Variants in ITGA3 observed in about 807,000 individuals in gnomAD.
ITGA3 encodes integrin subunit alpha 3.
In ITGA3, 70 loss-of-function variants were observed where a neutral mutation model predicts 131.1. The ratio of observed to expected loss-of-function variants is 0.53; its 90% CI spans 0.44 to 0.65. ITGA3 has a LOEUF of 0.65. Among genes scored for constraint, ITGA3 ranks in the 30% least tolerant of loss-of-function variants. The pLI is 0.00. For missense variants in ITGA3, 1,098 were observed against 1,388.6 expected, an observed-to-expected ratio of 0.79 and a Z score of 3.33; for synonymous variants, 537 against 571.6, an observed-to-expected ratio of 0.94 and a Z score of 0.86.
At chr17:50,087,481 A>G in intron 23 of ITGA3, 1 of 414,772 alleles carries the variant, frequency 2.4e-6, no homozygotes. Flanking sequence ...ACCCAGGCCC[A>G]GATGTGTGGG....
At chr17:50,082,428 C>T (rs1409249267) in intron 23 of ITGA3, among the ~76,000 whole-genome samples, 2 of 152,084 alleles carry the variant, frequency 1.3e-5, no homozygotes, top group African/African-American at 2.4e-5. Context: ...CCACCTGCCT[C>T]GGCCTCCCAA....
At position 50,087,869 on chromosome 17, in the gene ITGA3, G is replaced by T; in HGVS notation, c.3045G>T (p.Lys1015Asn). The change falls in exon 24 of 26, where the codon AAG becomes AAT. Residue 1015 changes from lysine to asparagine, a missense_variant and splice_region_variant. This residue lies in a region of ITGA3 where 699 missense variants were observed against 829.2 expected (regional missense o/e 0.84). Coordinates refer to ENST00000320031, the MANE Select transcript of ITGA3 (RefSeq NM_002204.4). Reference protein sequence around the residue: ...LLGLIILLLWKCGFFKRARTR... With the variant: ...LLGLIILLLWNCGFFKRARTR... ...GGCTGATCATCCTCCTGCTGTGGAA[G>T]GTTAGTAGCCCAGCCCACTCCTGCT... The T allele has an allele frequency of 6.3e-7, 1 of 1,580,478 alleles. No homozygotes were observed. The highest frequency in any genetic ancestry group is 8.6e-7 in the Non-Finnish European group (1 of 1,162,412).
intron 23 of ITGA3, among the ~76,000 whole-genome samples, chr17:50,085,670 AT>A (rs1216524284): frequency 1.1e-4 from 14 of 124,646 alleles, no homozygotes; most frequent in Middle Eastern, 3.5e-3. Context: ...TCTCAAAAAA[AT>A]ATATATATTA....
rs924583123 is a variant in ITGA3, at chr17:50,064,250, AG to A, written c.334+52del. 1.2e-5 allele frequency: 19 copies of A among 1,573,452 alleles called. No individual in the cohort carries two copies. Among genetic ancestry groups the A allele is most frequent in the Admixed American group, 1.8e-5 (1 of 55,292 alleles). On this transcript the variant is annotated intron_variant, in intron 2 of 25. Coordinates refer to ENST00000320031, the MANE Select transcript of ITGA3 (RefSeq NM_002204.4). The surrounding 1 kb of genome is among the most constrained non-coding windows in gnomAD (Gnocchi z 4.4). ...AGGGGTGCTGGGTCAGAGGTCTGGC[AG>A]GGGGGTACCGCAGAGAGAATGGCCT...
rs941337917 is a variant in ITGA3 at position 50,090,390 on chromosome 17, T to C, written c.*1312T>C. The C allele has an allele frequency of 8.2e-6, 3 of 366,654 alleles. No homozygotes were observed. The highest frequency in any genetic ancestry group is 1.6e-4 in the East Asian group (2 of 12,794). The allele number at this position is 366,654 out of a possible 1,614,324, so 22.7% of individuals were successfully genotyped here. A position where few individuals can be genotyped will look rare whatever the true frequency, so the allele number is the denominator to read the frequency against. Reference sequence around the variant, plus strand: ...CACTCCCCAGCCCCAGCCCCTTCCATGGTACTGTAGCAGGGGAATTCCCTC... The same window carrying C: ...CACTCCCCAGCCCCAGCCCCTTCCACGGTACTGTAGCAGGGGAATTCCCTC... On this transcript the variant is annotated 3_prime_UTR_variant, in exon 26 of 26. Coordinates refer to ENST00000320031, the MANE Select transcript of ITGA3 (RefSeq NM_002204.4).
In ITGA3 at chr17:50,088,327, G is replaced by T; in HGVS notation, c.3148G>T (p.Asp1050Tyr). 1 of 1,573,026 alleles carries T rather than the reference G, an allele frequency of 6.4e-7. No homozygotes were observed. Among genetic ancestry groups the T allele is most frequent in the South Asian group, 1.2e-5 (1 of 85,858 alleles). ...QPSETERLTD[D>Y]Y ...GTCAGAGACAGAGAGGCTGACCGAC[G>T]ACTACTGAGGGGGCAGCCCCCCGCC... Residue 1050 changes from aspartate (D) to tyrosine (Y), a missense_variant, in exon 25 of 26, where the codon GAC (aspartate) becomes TAC (tyrosine). Asp to Tyr is a radical substitution (Grantham distance 160, BLOSUM62 -3). Around this residue, in one of 3 missense-constraint regions of ITGA3, gnomAD observed 699 missense variants for 829.2 expected, o/e 0.84. Transcript: ENST00000320031.
At chr17:50,058,163 G>A (rs528538462) in intron 1 of ITGA3, among the ~76,000 whole-genome samples, 2 of 152,364 alleles carry the variant, frequency 1.3e-5, no homozygotes, top group South Asian at 2.1e-4. Context: ...GTGACCTTGA[G>A]CAAGATATTT....
At chr17:50,076,294 A>C in intron 12 of ITGA3, 32 bp from the exon 13 acceptor site, 1 of 1,605,610 alleles carries the variant, frequency 6.2e-7, no homozygotes, top group Non-Finnish European at 8.5e-7. Flanking sequence ...GGAGCAGTGC[A>C]GGGCCGGGCT....
rs751333449 is a variant in ITGA3, at chr17:50,075,489, C to A, written c.1500C>A (p.Asn500Lys). Residue 500 changes from asparagine to lysine, a missense_variant, in exon 11 of 26, where the codon AAC becomes AAA. Coordinates refer to ENST00000320031, the MANE Select transcript of ITGA3 (RefSeq NM_002204.4). ...CVQVELCFAY[N>K]QSAGNPNYRR... ...AAGTGGAGCTGTGCTTTGCTTACAA[C>A]CAGAGTGCCGGGAACCCCAACTACA... 4 of 1,614,234 alleles carry A rather than the reference C, an allele frequency of 2.5e-6. No individual in the cohort carries two copies. Among genetic ancestry groups the A allele is most frequent in the Non-Finnish European group, 3.4e-6 (4 of 1,180,042 alleles).
chr17:50,067,747 A>G (rs984079597), intron 3 of ITGA3, among the ~76,000 whole-genome samples: 4 of 152,192 alleles, frequency 2.6e-5, no homozygotes, highest in African/African-American at 9.7e-5. Flanking sequence ...TCTCTCTGTT[A>G]CTAACCCCTT....
At position 50,077,129 on chromosome 17, in the gene ITGA3, C is replaced by T; in HGVS notation, c.2070+8C>T. 6.5e-7 allele frequency: 1 copy of T among 1,531,324 alleles called. No individual in the cohort carries two copies. The highest frequency in any genetic ancestry group is 8.8e-7 in the Non-Finnish European group (1 of 1,132,414). 94.9% of individuals were successfully genotyped at this position (1,531,324 alleles called of 1,614,324 possible). A position where few individuals can be genotyped will look rare whatever the true frequency, so the allele number is the denominator to read the frequency against. The stretch of plus-strand genomic sequence containing the variant: ...CTGTCCTCAGTGCGCCCCGTGAGTG[C>T]CCGCCGGCCGGCTCAGAGCCCAAGC... On this transcript the variant is annotated splice_region_variant and intron_variant, in intron 15 of 25. Coordinates refer to ENST00000320031, the MANE Select transcript of ITGA3 (RefSeq NM_002204.4).
chr17:50,060,724 T>C (rs1333315793), intron 1 of ITGA3, among the ~76,000 whole-genome samples: 3 of 152,086 alleles, frequency 2.0e-5, no homozygotes, highest in African/African-American at 7.2e-5. Context: ...CCATCTCCTA[T>C]CTTCCTTGCT....
intron 25 of ITGA3, 115 bp downstream of exon 25, chr17:50,088,481 C>G (rs571326192): frequency 1.6e-6 from 1 of 606,120 alleles, no homozygotes; most frequent in Non-Finnish European, 3.0e-6. Flanking sequence ...CTGTCCCCAC[C>G]ACCACCCCAA....
chr17:50,073,987 C>T lies in ITGA3; in HGVS notation c.1228C>T (p.Leu410Phe), dbSNP rs755146298. The change falls in exon 8 of 26, where the codon CTT becomes TTT. Residue 410 changes from leucine (L) to phenylalanine (F), a missense_variant. Physicochemically the swap from Leu to Phe is conservative, Grantham distance 22. This residue lies in a region of ITGA3 where 356 missense variants were observed against 529.2 expected (regional missense o/e 0.67). Coordinates refer to ENST00000320031, the MANE Select transcript of ITGA3 (RefSeq NM_002204.4). ...YIYHSSSKGL[L>F]RQPQQVIHGE... The stretch of plus-strand genomic sequence containing the variant: ...CTATCACAGTAGCTCTAAGGGGCTC[C>T]TTAGACAGCCCCAGCAGGTACAGAG... The T allele has an allele frequency of 6.2e-6, 10 of 1,613,464 alleles. No homozygotes were observed. Among genetic ancestry groups the T allele is most frequent in the East Asian group, 2.2e-5 (1 of 44,872 alleles).
chr17:50,060,958 C>T (rs576002139), intron 1 of ITGA3, among the ~76,000 whole-genome samples: 8 of 152,168 alleles, frequency 5.3e-5, no homozygotes, highest in East Asian at 3.9e-4. Flanking sequence ...CAACCCCCTC[C>T]GCACACACCT....
intron 20 of ITGA3, 81 bp downstream of exon 20, chr17:50,079,339 C>T: frequency 6.4e-7 from 1 of 1,563,762 alleles, no homozygotes; most frequent in Non-Finnish European, 8.7e-7. Context: ...CCCTCATACC[C>T]CTTTGGCAAG....
chr17:50,059,680 T>G (rs1335104961), intron 1 of ITGA3, among the ~76,000 whole-genome samples: 4 of 152,078 alleles, frequency 2.6e-5, no homozygotes, highest in Non-Finnish European at 2.9e-5. Context: ...GGAAGCCTGA[T>G]CTTGTAGAAA....
chr17:50,080,713 A>G (rs1004740138), intron 22 of ITGA3, among the ~76,000 whole-genome samples: 1 of 151,932 alleles, frequency 6.6e-6, no homozygotes, highest in African/African-American at 2.4e-5. Context: ...CAGATGCTTC[A>G]CCATCAGTGA....
chr17:50,071,246 G>T, intron 5 of ITGA3, 65 bp from the exon 6 acceptor site: 2 of 1,390,106 alleles, frequency 1.4e-6, no homozygotes, highest in East Asian at 2.4e-5. Context: ...ATAGGGAGAT[G>T]GGTCCAGAGT....
Sources: allele counts gnomAD v4.1 joint callset (sites outside exome capture counted in the v4.1 genomes callset), GRCh38; gene constraint gnomAD v4.1.1; regional missense constraint gnomAD v4.1.1; non-coding constraint Gnocchi (gnomAD v3.1); transcripts MANE v1.5; gene names NCBI Gene and HGNC (gene_info 2026-07-23, HGNC 2026-07-21).